QTMAN: variants seen among roughly 807,000 people sequenced by gnomAD.
The protein encoded by QTMAN is tRNA-queuosine alpha-mannosyltransferase.
chr2:144,104,368 C>T, the QTMAN span, among the ~76,000 whole-genome samples: 3 of 152,162 alleles, frequency 2.0e-5, no homozygotes, highest in Non-Finnish European at 4.4e-5. Context: ...CCAAGGGAAG[C>T]GGTGATGGAT....
At chr2:144,122,808 G>T in the QTMAN span, among the ~76,000 whole-genome samples, 1 of 152,134 alleles carries the variant, frequency 6.6e-6, no homozygotes, top group South Asian at 2.1e-4. Context: ...TGGAAATTCA[G>T]ATTTATTTTG....
chr2:143,970,778 C>A, the QTMAN span: 37 of 1,301,228 alleles, frequency 2.8e-5, 1 homozygote, highest in Non-Finnish European at 3.8e-5. Context: ...AATAAACACA[C>A]AAAATATAAC....
At chr2:143,980,430 G>A in the QTMAN span, among the ~76,000 whole-genome samples, 4 of 152,100 alleles carry the variant, frequency 2.6e-5, no homozygotes, top group African/African-American at 7.2e-5. Context: ...TTCCTCGAGG[G>A]CAGAGGTCAT....
At chr2:144,042,938 G>C in the QTMAN span, among the ~76,000 whole-genome samples, 1 of 152,004 alleles carries the variant, frequency 6.6e-6, no homozygotes, top group South Asian at 2.1e-4. Flanking sequence ...CCAGTTTGTA[G>C]AAAAAGCCAT....
the QTMAN span, among the ~76,000 whole-genome samples, chr2:144,100,121 A>G: frequency 3.3e-5 from 5 of 152,208 alleles, no homozygotes; most frequent in Admixed American, 2.0e-4. Context: ...ATTAAAGTCT[A>G]TCTTCTCATG....
At chr2:143,947,801 CTTTTA>C in the QTMAN span, among the ~76,000 whole-genome samples, 2 of 151,450 alleles carry the variant, frequency 1.3e-5, no homozygotes, top group African/African-American at 2.4e-5. Flanking sequence ...AGGTTTTTTC[CTTTTA>C]TTTTATTTAG....
At chr2:144,008,994 T>C in the QTMAN span, among the ~76,000 whole-genome samples, 1 of 151,914 alleles carries the variant, frequency 6.6e-6, no homozygotes, top group Non-Finnish European at 1.5e-5. Context: ...GGTTGGACTT[T>C]TAAAAATGAG....
the QTMAN span, among the ~76,000 whole-genome samples, chr2:144,056,832 A>G: frequency 1.3e-5 from 2 of 152,216 alleles, no homozygotes; most frequent in African/African-American, 2.4e-5. Context: ...AGCCAAGTAA[A>G]ATGTCCAAGA....
chr2:144,042,488 G>C, the QTMAN span, among the ~76,000 whole-genome samples: 1 of 152,118 alleles, frequency 6.6e-6, no homozygotes, highest in African/African-American at 2.4e-5. Context: ...GGGCGTGGTG[G>C]TTCACACCTA....
the QTMAN span, among the ~76,000 whole-genome samples, chr2:144,185,443 G>A: frequency 6.6e-6 from 1 of 152,162 alleles, no homozygotes; most frequent in Non-Finnish European, 1.5e-5. Flanking sequence ...TAATGCAGAG[G>A]TTCTCTAACG....
At chr2:144,305,747 A>C in the QTMAN span, among the ~76,000 whole-genome samples, 30 of 152,186 alleles carry the variant, frequency 2.0e-4, no homozygotes, top group Non-Finnish European at 3.7e-4. Flanking sequence ...CTAATTCTTT[A>C]ATTTCTTTCA....
At chr2:144,141,322 T>TA in the QTMAN span, among the ~76,000 whole-genome samples, 11 of 150,808 alleles carry the variant, frequency 7.3e-5, no homozygotes, top group South Asian at 2.1e-4. Context: ...GCAAGGGTAA[T>TA]AAAAAAAATG....
chr2:144,287,438 CAAA>C, the QTMAN span, among the ~76,000 whole-genome samples: 3 of 70,700 alleles, frequency 4.2e-5, no homozygotes, highest in Admixed American at 1.5e-4. Context: ...GACTCTGTCT[CAAA>C]AAAAAAAAAA....
chr2:144,285,974 A>C, the QTMAN span, among the ~76,000 whole-genome samples: 1 of 152,208 alleles, frequency 6.6e-6, no homozygotes, highest in African/African-American at 2.4e-5. Context: ...TCAAGTAATA[A>C]AATGTCTTGG....
chr2:144,222,974 C>T, the QTMAN span, among the ~76,000 whole-genome samples: 1 of 152,126 alleles, frequency 6.6e-6, no homozygotes, highest in Non-Finnish European at 1.5e-5. Context: ...TATTTATATA[C>T]ACGTAATATG....
the QTMAN span, among the ~76,000 whole-genome samples, chr2:144,271,125 T>C: frequency 1.3e-5 from 2 of 152,226 alleles, no homozygotes; most frequent in Admixed American, 1.3e-4. Flanking sequence ...TACTTCTCTT[T>C]TTGGTCTTTC....
the QTMAN span, chr2:143,938,233 T>G: frequency 6.6e-6 from 1 of 152,172 alleles, no homozygotes; most frequent in East Asian, 1.9e-4. Context: ...AAAGGAGAGA[T>G]GTCTGCTTTG....
chr2:144,196,631 T>C, the QTMAN span, among the ~76,000 whole-genome samples: 1 of 152,166 alleles, frequency 6.6e-6, no homozygotes, highest in Non-Finnish European at 1.5e-5. Context: ...CTCGAAACTA[T>C]ATTCAAAAGA....
chr2:144,325,626 T>C, the QTMAN span, among the ~76,000 whole-genome samples: 1 of 152,174 alleles, frequency 6.6e-6, no homozygotes, highest in East Asian at 1.9e-4. Flanking sequence ...ATTCAGATAA[T>C]TGAAGTTTTC....
Sources: gnomAD v4.1 joint callset for allele counts (sites outside exome capture counted in the v4.1 genomes callset) on GRCh38, gnomAD v4.1.1 for gene constraint, MANE v1.5 for transcripts, NCBI Gene and HGNC (gene_info 2026-07-23, HGNC 2026-07-21) for gene names.